TTC28: variants seen among roughly 807,000 people sequenced by gnomAD.
The protein encoded by TTC28 is tetratricopeptide repeat domain 28, also known as tetratricopeptide repeat protein 28.
TTC28 carries 61 observed loss-of-function variants against 198.0 expected under a neutral mutation model. The ratio of observed to expected loss-of-function variants is 0.31; its 90% CI spans 0.25 to 0.38. TTC28 has a LOEUF of 0.38. Among genes scored for constraint, TTC28 ranks in the 10% least tolerant of loss-of-function variants. The pLI, the probability that TTC28 is intolerant of heterozygous loss-of-function variation, is 1.00. For synonymous variants in TTC28, 1,171 were observed against 1,297.8 expected, an observed-to-expected ratio of 0.90 and a Z score of 2.10; for missense variants, 2,678 against 3,164.0, an observed-to-expected ratio of 0.85 and a Z score of 3.69.
intron 2 of TTC28, among the ~76,000 whole-genome samples, chr22:28,386,412 C>T (rs1239413938): frequency 6.6e-6 from 1 of 151,672 alleles, no homozygotes; most frequent in Admixed American, 6.6e-5. Flanking sequence ...TGGGCAGGGA[C>T]CACATCTTAT....
At chr22:28,442,832 T>C (rs2047645771) in intron 2 of TTC28, 1 of 152,468 alleles carries the variant, frequency 6.6e-6, no homozygotes, top group South Asian at 2.1e-4. Context: ...CGCCCCGTGT[T>C]ACCCTTCCCC....
chr22:28,069,892 G>C (rs531465050), intron 12 of TTC28, among the ~76,000 whole-genome samples: 7 of 148,294 alleles, frequency 4.7e-5, no homozygotes, highest in Admixed American at 2.0e-4. Context: ...ATACAATAAA[G>C]TATTAGCCTA....
chr22:28,026,808 A>G (rs1938853015), intron 13 of TTC28, among the ~76,000 whole-genome samples: 1 of 152,220 alleles, frequency 6.6e-6, no homozygotes, highest in Admixed American at 6.5e-5. Flanking sequence ...GGACAATAAG[A>G]AAGTCCCTCT....
At chr22:28,615,950 AAAATTCACTAGAGGGACTC>A (rs1032158702) in intron 2 of TTC28, among the ~76,000 whole-genome samples, 3 of 152,200 alleles carry the variant, frequency 2.0e-5, no homozygotes, top group African/African-American at 7.2e-5. Context: ...GTAATTTTAA[AAAATTCACTAGAGGGACTC>A]AAAAGCAGAC....
intron 12 of TTC28, among the ~76,000 whole-genome samples, chr22:28,089,013 A>C (rs1941721531): frequency 1.3e-5 from 2 of 152,200 alleles, no homozygotes; most frequent in Admixed American, 6.5e-5. Context: ...GTCAGGAAAC[A>C]ACAGGTGCTG....
At chr22:28,243,720 A>G (rs1457690691) in intron 5 of TTC28, among the ~76,000 whole-genome samples, 6 of 152,148 alleles carry the variant, frequency 3.9e-5, no homozygotes, top group Non-Finnish European at 8.8e-5. Context: ...GGGTCCAGGC[A>G]TAATGAGAAT....
intron 2 of TTC28, among the ~76,000 whole-genome samples, chr22:28,307,581 A>T (rs1215793133): frequency 6.6e-6 from 1 of 152,126 alleles, no homozygotes; most frequent in Non-Finnish European, 1.5e-5. Context: ...CCCAGCCTGC[A>T]GTTTGTTTTC....
At chr22:28,616,340 G>T (rs1227087415) in intron 2 of TTC28, among the ~76,000 whole-genome samples, 1 of 152,020 alleles carries the variant, frequency 6.6e-6, no homozygotes, top group Non-Finnish European at 1.5e-5. Context: ...GTATAAAATT[G>T]GTATTGCAAA....
At chr22:28,214,454 A>T (rs1927208093) in intron 5 of TTC28, among the ~76,000 whole-genome samples, 1 of 152,240 alleles carries the variant, frequency 6.6e-6, no homozygotes, top group South Asian at 2.1e-4. Context: ...AAACAACCTC[A>T]TCAAAAAGTG....
At chr22:28,220,517 G>GT (rs1218898165) in intron 5 of TTC28, among the ~76,000 whole-genome samples, 1 of 152,158 alleles carries the variant, frequency 6.6e-6, no homozygotes, top group Non-Finnish European at 1.5e-5. Flanking sequence ...GAGAGCTTCA[G>GT]TTTTTTGCTG....
chr22:28,150,445 T>C (rs1436999279), intron 6 of TTC28, among the ~76,000 whole-genome samples: 1 of 152,210 alleles, frequency 6.6e-6, no homozygotes, highest in Non-Finnish European at 1.5e-5. Context: ...TGATGCTCTA[T>C]ATTTTCTGCT....
intron 12 of TTC28, among the ~76,000 whole-genome samples, chr22:28,083,522 A>T (rs963407296): frequency 2.6e-5 from 4 of 152,346 alleles, no homozygotes; most frequent in African/African-American, 9.6e-5. Context: ...CTATATGCGA[A>T]TTCAGCAGTG....
chr22:28,371,509 C>CAAAAAAAAAAAAAAAAAA (rs1229801209), intron 2 of TTC28, among the ~76,000 whole-genome samples: 85 of 6,098 alleles, frequency 0.014, 27 homozygotes, highest in Admixed American at 0.019. Flanking sequence ...GACCCTGTCT[C>CAAAAAAAAAAAAAAAAAA]AAAAAAAAAA....
intron 2 of TTC28, among the ~76,000 whole-genome samples, chr22:28,595,828 G>A (rs1198439213): frequency 6.6e-6 from 1 of 152,192 alleles, no homozygotes; most frequent in African/African-American, 2.4e-5. Flanking sequence ...GGAGGCTGAG[G>A]CAGGAGAATC....
At chr22:28,057,873 T>C (rs1434014282) in intron 12 of TTC28, among the ~76,000 whole-genome samples, 3 of 152,122 alleles carry the variant, frequency 2.0e-5, no homozygotes. Context: ...TTGTATTGTT[T>C]TGGTATCTCT....
intron 12 of TTC28, among the ~76,000 whole-genome samples, chr22:28,085,460 C>T (rs1008366764): frequency 9.2e-5 from 14 of 152,132 alleles, no homozygotes; most frequent in African/African-American, 3.4e-4. Flanking sequence ...CAAGCAAATG[C>T]TGACAGATTT....
chr22:28,253,319 A>G (rs1930661253), intron 5 of TTC28, among the ~76,000 whole-genome samples: 1 of 152,234 alleles, frequency 6.6e-6, no homozygotes, highest in Admixed American at 6.5e-5. Context: ...TTTAACTTTA[A>G]TTATAGATGG....
chr22:28,584,618 A>G (rs2050285194), intron 2 of TTC28, among the ~76,000 whole-genome samples: 1 of 152,228 alleles, frequency 6.6e-6, no homozygotes. Flanking sequence ...TATTGTATTT[A>G]ATTGTAATTA....
chr22:28,269,617 C>A (rs1190385402), intron 5 of TTC28, among the ~76,000 whole-genome samples: 1 of 152,116 alleles, frequency 6.6e-6, no homozygotes, highest in Non-Finnish European at 1.5e-5. Context: ...CCACATGTAA[C>A]CCTGGGCTGC....
Sources: gnomAD v4.1 joint callset for allele counts (sites outside exome capture counted in the v4.1 genomes callset) on GRCh38, gnomAD v4.1.1 for gene constraint, MANE v1.5 for transcripts, NCBI Gene and HGNC (gene_info 2026-07-23, HGNC 2026-07-21) for gene names.